AIG1: variants seen among roughly 807,000 people sequenced by gnomAD.
AIG1 encodes androgen induced 1.
In AIG1, 23 loss-of-function variants were observed where a neutral mutation model predicts 31.4. The observed-to-expected ratio is 0.73, with a 90% CI of 0.53 to 1.04. AIG1 has a LOEUF of 1.04. Among genes scored for constraint, AIG1 ranks in the 50% least tolerant of loss-of-function variants. The pLI is 0.00. For missense variants in AIG1, 274 were observed against 295.0 expected (o/e 0.93, Z 0.52); for synonymous variants, 100 against 110.5 (o/e 0.90, Z 0.60).
intron 3 of AIG1, among the ~76,000 whole-genome samples, chr6:143,222,699 T>C (rs1426534862): frequency 2.0e-5 from 2 of 97,698 alleles, no homozygotes; most frequent in Non-Finnish European, 3.7e-5. Flanking sequence ...GTCTCCCCTT[T>C]CTCTTTTTTT....
chr6:143,208,284 C>T, intron 3 of AIG1, among the ~76,000 whole-genome samples: 1 of 152,186 alleles, frequency 6.6e-6, no homozygotes, highest in East Asian at 1.9e-4. Flanking sequence ...ATTAAATAAT[C>T]TAACTTAGCA....
At chr6:143,076,364 C>G (rs1777726174) in intron 1 of AIG1, among the ~76,000 whole-genome samples, 1 of 152,114 alleles carries the variant, frequency 6.6e-6, no homozygotes, top group South Asian at 2.1e-4. Flanking sequence ...TCTGCTTTGT[C>G]TGATATTAGT....
At chr6:143,194,966 G>A (rs998897366) in intron 3 of AIG1, among the ~76,000 whole-genome samples, 2 of 152,204 alleles carry the variant, frequency 1.3e-5, no homozygotes, top group Non-Finnish European at 2.9e-5. Flanking sequence ...AGAATGAAGA[G>A]GAGTCATAGT....
chr6:143,274,833 G>A lies in AIG1; in HGVS notation c.400-9277G>A, dbSNP rs142217570. Among the ~76,000 whole-genome samples the A allele has an allele frequency of 8.3e-3, 1,263 of 152,226 alleles. 15 individuals are homozygous for A. The highest frequency in any genetic ancestry group is 0.027 in the African/African-American group (1,132 of 41,534). Reference sequence around the variant, plus strand: ...GTGAACCCCTCTGTTCCTTCATTTCGTCATGTATAAAATGAAGAAGATAAC... The same window carrying A: ...GTGAACCCCTCTGTTCCTTCATTTCATCATGTATAAAATGAAGAAGATAAC... On this transcript the variant is annotated intron_variant, in intron 3 of 5. Coordinates refer to ENST00000357847, the MANE Select transcript of AIG1 (RefSeq NM_016108.4).
At chr6:143,102,507 C>T (rs915608518) in intron 1 of AIG1, among the ~76,000 whole-genome samples, 10 of 144,370 alleles carry the variant, frequency 6.9e-5, no homozygotes. Flanking sequence ...TAATATGATA[C>T]ATAATATATA....
chr6:143,313,070 A>T (rs1775436540), intron 4 of AIG1, among the ~76,000 whole-genome samples: 1 of 152,126 alleles, frequency 6.6e-6, no homozygotes, highest in African/African-American at 2.4e-5. Flanking sequence ...GTCGGGGAGG[A>T]TGTGGAGAAA....
intron 2 of AIG1, among the ~76,000 whole-genome samples, chr6:143,138,010 C>T (rs1458328696): frequency 6.6e-6 from 1 of 152,160 alleles, no homozygotes; most frequent in Non-Finnish European, 1.5e-5. Context: ...TGGTAGAAGG[C>T]CCTACATGCT....
At chr6:143,189,636 G>A in intron 3 of AIG1, 1 of 985,258 alleles carries the variant, frequency 1.0e-6, no homozygotes, top group Non-Finnish European at 1.2e-6. Context: ...TTTTTGATGT[G>A]TCTTAAAGTT....
At chr6:143,318,242 G>C (rs1246241939) in intron 4 of AIG1, among the ~76,000 whole-genome samples, 3 of 152,040 alleles carry the variant, frequency 2.0e-5, no homozygotes, top group Non-Finnish European at 4.4e-5. Flanking sequence ...ATACTGTAAG[G>C]CCATAGTCAC....
chr6:143,175,436 C>T (rs1583419196), intron 3 of AIG1, among the ~76,000 whole-genome samples: 1 of 152,224 alleles, frequency 6.6e-6, no homozygotes. Context: ...TTCAGGAACA[C>T]CAATTATTCT....
chr6:143,224,318 C>T (rs1792771526), intron 3 of AIG1, among the ~76,000 whole-genome samples: 1 of 152,174 alleles, frequency 6.6e-6, no homozygotes, highest in African/African-American at 2.4e-5. Flanking sequence ...GCATTTCCCA[C>T]CCATGACCTG....
At chr6:143,132,902 T>C (rs1166436176) in intron 1 of AIG1, among the ~76,000 whole-genome samples, 1 of 152,108 alleles carries the variant, frequency 6.6e-6, no homozygotes, top group Non-Finnish European at 1.5e-5. Flanking sequence ...TTTTGAATAT[T>C]AACTTTGATT....
At chr6:143,191,219 A>G (rs1425455730) in intron 3 of AIG1, among the ~76,000 whole-genome samples, 1 of 152,176 alleles carries the variant, frequency 6.6e-6, no homozygotes, top group Admixed American at 6.5e-5. Context: ...ATAGGGTGGT[A>G]TCTCTGCCTC....
intron 1 of AIG1, among the ~76,000 whole-genome samples, chr6:143,124,793 C>T (rs1217606515): frequency 1.3e-5 from 2 of 152,038 alleles, no homozygotes; most frequent in African/African-American, 4.8e-5. Flanking sequence ...ATGCCAGATG[C>T]TTATAAAACC....
At chr6:143,332,087 G>T (rs150061268) in intron 4 of AIG1, among the ~76,000 whole-genome samples, 26 of 152,032 alleles carry the variant, frequency 1.7e-4, no homozygotes, top group African/African-American at 5.8e-4. Flanking sequence ...GGCCAGGCTG[G>T]TCTTGAACTC....
At chr6:143,193,001 A>T (rs190923036) in intron 3 of AIG1, among the ~76,000 whole-genome samples, 3 of 152,228 alleles carry the variant, frequency 2.0e-5, no homozygotes, top group Admixed American at 2.0e-4. Context: ...ACAGGTGAGG[A>T]GCTGAGACTC....
chr6:143,073,022 C>T (rs1659102883), intron 1 of AIG1, among the ~76,000 whole-genome samples: 1 of 152,168 alleles, frequency 6.6e-6, no homozygotes, highest in African/African-American at 2.4e-5. Context: ...CTACTTCTCC[C>T]CATTTCCTCC....
chr6:143,172,642 G>A (rs1007565097), intron 3 of AIG1, among the ~76,000 whole-genome samples: 3 of 152,096 alleles, frequency 2.0e-5, no homozygotes, highest in Admixed American at 1.3e-4. Flanking sequence ...AATAGAATTG[G>A]TACCAATTCT....
chr6:143,138,683 G>A (rs1050024393), intron 2 of AIG1, among the ~76,000 whole-genome samples: 6 of 151,986 alleles, frequency 3.9e-5, no homozygotes, highest in Admixed American at 2.0e-4. Context: ...CATGAGGCCA[G>A]GAGATCAAGA....
Sources: gnomAD v4.1 joint callset for allele counts (sites outside exome capture counted in the v4.1 genomes callset) on GRCh38, gnomAD v4.1.1 for gene constraint, MANE v1.5 for transcripts, NCBI Gene and HGNC (gene_info 2026-07-23, HGNC 2026-07-21) for gene names.